NRG1: variants seen among roughly 807,000 people sequenced by gnomAD.
NRG1 encodes the protein pro-neuregulin-1, membrane-bound isoform.
NRG1 carries 18 observed loss-of-function variants against 63.8 expected under a neutral mutation model. The observed-to-expected ratio is 0.28, with a 90% CI of 0.19 to 0.42. The LOEUF (loss-of-function observed/expected upper bound fraction) is 0.42. NRG1 is among the 10% of genes least tolerant of loss of function. The pLI is 1.00. For synonymous variants in NRG1, 302 were observed against 301.3 expected (o/e 1.00, Z -0.02); for missense variants, 762 against 814.7 (o/e 0.94, Z 0.79).
At chr8:32,622,700 A>T (rs1013881234) in intron 5 of NRG1, among the ~76,000 whole-genome samples, 16 of 152,158 alleles carry the variant, frequency 1.1e-4, no homozygotes, top group African/African-American at 3.6e-4. Flanking sequence ...TGGCCCCGAG[A>T]TTCAGTTTCT....
chr8:32,744,939 G>A (rs574619652), intron 7 of NRG1, among the ~76,000 whole-genome samples: 1 of 152,156 alleles, frequency 6.6e-6, no homozygotes, highest in African/African-American at 2.4e-5. Flanking sequence ...GCCACTTTTG[G>A]ACGACATCCA....
chr8:32,705,436 A>T (rs1168352981), intron 5 of NRG1, among the ~76,000 whole-genome samples: 1 of 152,146 alleles, frequency 6.6e-6, no homozygotes, highest in Admixed American at 6.5e-5. Context: ...CGGCCAAGTG[A>T]CAATGTATTT....
Position 31,989,253 on chromosome 8 carries a change from CAAAAAA to C in NRG1, c.37+349837_37+349842del, listed in dbSNP as rs10692906. On this transcript the variant is annotated intron_variant, in intron 1 of 10. Coordinates refer to the NRG1 transcript ENST00000519301. Reference sequence around the variant, plus strand: ...CCTGGGTGAGAGAGAGACTCTGTCTCAAAAAAAAAAAAAAAAAAAAGAACAAAACAA... The same window carrying C: ...CCTGGGTGAGAGAGAGACTCTGTCTCAAAAAAAAAAAAAAGAACAAAACAA... Among the ~76,000 whole-genome samples, 9 of 47,528 alleles carry C rather than the reference CAAAAAA, an allele frequency of 1.9e-4. 1 individual carries two copies. The highest frequency in any genetic ancestry group is 3.3e-3 in the East Asian group (2 of 604). 31.2% of individuals were successfully genotyped at this position (47,528 alleles called of 152,430 possible).
At chr8:32,648,977 G>A (rs1174572388) in intron 5 of NRG1, among the ~76,000 whole-genome samples, 1 of 152,156 alleles carries the variant, frequency 6.6e-6, no homozygotes, top group Admixed American at 6.5e-5. Context: ...GACGACTGCT[G>A]TCCTGCCCAG....
At chr8:32,223,145 G>A (rs142553110) in intron 1 of NRG1, among the ~76,000 whole-genome samples, 11 of 152,250 alleles carry the variant, frequency 7.2e-5, no homozygotes, top group South Asian at 2.1e-4. Flanking sequence ...TAGAAAACAC[G>A]TGACAATTTT....
At chr8:32,648,149 C>A in intron 5 of NRG1, 2 of 1,614,150 alleles carry the variant, frequency 1.2e-6, no homozygotes, top group Non-Finnish European at 1.7e-6. Flanking sequence ...CTTCACCTGT[C>A]TCTAGGGCTC....
intron 1 of NRG1, among the ~76,000 whole-genome samples, chr8:32,564,721 C>A (rs1837112234): frequency 6.6e-6 from 1 of 152,154 alleles, no homozygotes; most frequent in Non-Finnish European, 1.5e-5. Flanking sequence ...AGTCTAACTT[C>A]ATTCCTTTGA....
In NRG1 at chr8:32,372,674, C is replaced by T. The variant is rs191639797; in HGVS notation, c.38-223154C>T. ...TAAAATAGAGCTCAGAATTCCTCCA[C>T]CATCATCTGCATTTGAATCTGGGGA... is the stretch of plus-strand genomic sequence containing the variant. On this transcript the variant is annotated intron_variant, in intron 1 of 10. Coordinates refer to the NRG1 transcript ENST00000519301. 5.3e-3 allele frequency among the ~76,000 whole-genome samples: 811 copies of T among 152,314 alleles called. 8 individuals carry two copies. The highest frequency in any genetic ancestry group is 4.2e-3 in the Non-Finnish European group (287 of 68,028).
At chr8:31,689,806 G>C (rs754073612) in intron 1 of NRG1, among the ~76,000 whole-genome samples, 1 of 152,164 alleles carries the variant, frequency 6.6e-6, no homozygotes, top group Non-Finnish European at 1.5e-5. Context: ...ATCCTATATA[G>C]AGGGTGATGA....
Position 32,710,710 on chromosome 8 carries a change from A to G in NRG1, c.503-17239A>G, listed in dbSNP as rs575252291. Reference sequence around the variant, plus strand: ...TATAACACTCTGGCACTATGTGGTCACATCATTGAATTTCTGATAACTTTC... The same window carrying G: ...TATAACACTCTGGCACTATGTGGTCGCATCATTGAATTTCTGATAACTTTC... On this transcript the variant is annotated intron_variant, in intron 5 of 11. Transcript: ENST00000356819. Among the ~76,000 whole-genome samples, 494 of 152,332 alleles carry G rather than the reference A, an allele frequency of 3.2e-3. 5 individuals are homozygous for G. The highest frequency in any genetic ancestry group is 0.011 in the African/African-American group (464 of 41,586).
chr8:32,607,694 G>C (rs929519380), intron 3 of NRG1, among the ~76,000 whole-genome samples: 2 of 152,112 alleles, frequency 1.3e-5, no homozygotes, highest in African/African-American at 4.8e-5. Flanking sequence ...TCTTGGTCTA[G>C]TGATCAAATT....
chr8:31,716,091 CAGAT>C (rs1474309455), intron 1 of NRG1, among the ~76,000 whole-genome samples: 1 of 152,018 alleles, frequency 6.6e-6, no homozygotes, highest in Non-Finnish European at 1.5e-5. Flanking sequence ...CATAAACTGA[CAGAT>C]AGTTTCATAA....
rs10557313 is a variant in NRG1 at position 31,921,477 on chromosome 8, T to TACACACACACAC, written c.37+282058_37+282069dup. On this transcript the variant is annotated intron_variant, in intron 1 of 10. Transcript: ENST00000519301. ...ATCTATTTACACACATACACACACA[T>TACACACACACAC]ACACACACACACACACACACACAGA... 8.9e-3 allele frequency among the ~76,000 whole-genome samples: 1,336 copies of TACACACACACAC among 150,794 alleles called. 17 individuals carry two copies. The highest frequency in any genetic ancestry group is 0.031 in the African/African-American group (1,273 of 41,120).
At chr8:31,912,247 G>GTTT in intron 1 of NRG1, among the ~76,000 whole-genome samples, 1 of 152,240 alleles carries the variant, frequency 6.6e-6, no homozygotes, top group African/African-American at 2.4e-5. Flanking sequence ...ATTGATAACT[G>GTTT]TTTTTTGTCA....
chr8:31,894,311 T>C (rs1445973073), intron 1 of NRG1, among the ~76,000 whole-genome samples: 1 of 152,156 alleles, frequency 6.6e-6, no homozygotes, highest in Non-Finnish European at 1.5e-5. Flanking sequence ...AGTCAAATAT[T>C]CATCAATAGG....
chr8:32,336,565 G>C (rs762698324), intron 1 of NRG1, among the ~76,000 whole-genome samples: 5 of 152,192 alleles, frequency 3.3e-5, no homozygotes, highest in Non-Finnish European at 5.9e-5. Flanking sequence ...CAAGAGGCTA[G>C]TCAGTTTCGA....
At chr8:31,957,200 T>TG (rs1449126902) in intron 1 of NRG1, among the ~76,000 whole-genome samples, 1 of 151,606 alleles carries the variant, frequency 6.6e-6, no homozygotes, top group Non-Finnish European at 1.5e-5. Flanking sequence ...GTTTTTTTTT[T>TG]TTTCTTGTCT....
chr8:31,977,859 C>G (rs1808450181), intron 1 of NRG1, among the ~76,000 whole-genome samples: 1 of 151,772 alleles, frequency 6.6e-6, no homozygotes. Context: ...ATCAGAAATA[C>G]CAAATTCATA....
At chr8:32,359,491 T>C (rs1217521081) in intron 1 of NRG1, among the ~76,000 whole-genome samples, 2 of 152,222 alleles carry the variant, frequency 1.3e-5, no homozygotes, top group African/African-American at 4.8e-5. Flanking sequence ...ATGAAGCTAA[T>C]GAAACCTGCA....
Sources: allele counts gnomAD v4.1 joint callset (sites outside exome capture counted in the v4.1 genomes callset), GRCh38; gene constraint gnomAD v4.1.1; transcripts MANE v1.5; gene names NCBI Gene and HGNC (gene_info 2026-07-23, HGNC 2026-07-21).